The following GALNT17 variants were observed in gnomAD, a reference collection of about 807,000 sequenced individuals.
GALNT17 encodes UDP-GalNAc:polypeptide N-acetylgalactosaminyltransferase-like 3.
A neutral mutation model predicts 63.7 loss-of-function variants in GALNT17; 29 were observed. The ratio of observed to expected loss-of-function variants is 0.46; its 90% CI spans 0.34 to 0.62. The LOEUF (loss-of-function observed/expected upper bound fraction) is 0.62, where lower values mean the gene tolerates loss of function less well. Ranked by LOEUF, GALNT17 falls within the 20% of genes least tolerant of loss-of-function variation. GALNT17 has a pLI of 0.01. For missense variants in GALNT17, 603 were observed against 799.6 expected, an observed-to-expected ratio of 0.75 and a Z score of 2.97; for synonymous variants, 305 against 318.3, an observed-to-expected ratio of 0.96 and a Z score of 0.45.
At chr7:71,581,058 A>G (rs1341686724) in intron 6 of GALNT17, among the ~76,000 whole-genome samples, 1 of 152,184 alleles carries the variant, frequency 6.6e-6, no homozygotes, top group Non-Finnish European at 1.5e-5. Flanking sequence ...GGCCTCAGGA[A>G]ACGTACAATC....
intron 6 of GALNT17, among the ~76,000 whole-genome samples, chr7:71,631,888 G>A (rs923166387): frequency 6.6e-6 from 1 of 151,986 alleles, no homozygotes; most frequent in Admixed American, 6.6e-5. Flanking sequence ...GCATTTGAAT[G>A]GGTTAACTCG....
At chr7:71,682,905 G>A (rs753119476) in intron 9 of GALNT17, among the ~76,000 whole-genome samples, 1 of 151,998 alleles carries the variant, frequency 6.6e-6, no homozygotes, top group Non-Finnish European at 1.5e-5. Context: ...CACTCTGAAG[G>A]TGACCACCTT....
In GALNT17 at chr7:71,628,601, G is replaced by A. The variant is rs1316504634; in HGVS notation, c.1081-36810G>A. Among the ~76,000 whole-genome samples, 6 of 152,268 alleles carry A rather than the reference G, an allele frequency of 3.9e-5. No homozygotes were observed. The East Asian group carries it at 7.8e-4, about 20-fold the overall frequency. Reference sequence around the variant, plus strand: ...GCCTCCGAAAGTGCTGGGATTACAGGCCTGAGCCACCATGCCCAGCCAATG... The same window carrying A: ...GCCTCCGAAAGTGCTGGGATTACAGACCTGAGCCACCATGCCCAGCCAATG... On this transcript the variant is annotated intron_variant, in intron 6 of 10. Coordinates refer to ENST00000333538, the MANE Select transcript of GALNT17 (RefSeq NM_022479.3).
intron 5 of GALNT17, among the ~76,000 whole-genome samples, chr7:71,473,347 G>A (rs893713548): frequency 6.6e-6 from 1 of 152,088 alleles, no homozygotes; most frequent in East Asian, 1.9e-4. Context: ...CCTGGTAAAG[G>A]CCTGGTTGGT....
intron 5 of GALNT17, among the ~76,000 whole-genome samples, chr7:71,558,524 CCTTTCT>C (rs753356964): frequency 6.6e-6 from 1 of 152,052 alleles, no homozygotes; most frequent in Non-Finnish European, 1.5e-5. Context: ...CTGTTCTAGA[CCTTTCT>C]CTTTTTCTTT....
intron 1 of GALNT17, among the ~76,000 whole-genome samples, chr7:71,310,607 T>C (rs1168863264): frequency 1.3e-5 from 2 of 152,210 alleles, no homozygotes; most frequent in East Asian, 1.9e-4. Context: ...GTGCAACATA[T>C]ATGTTTCCCT....
At chr7:71,586,321 G>C (rs1789716297) in intron 6 of GALNT17, among the ~76,000 whole-genome samples, 1 of 152,210 alleles carries the variant, frequency 6.6e-6, no homozygotes, top group African/African-American at 2.4e-5. Context: ...ATGTTTGTGA[G>C]ATTCTCCATG....
intron 1 of GALNT17, among the ~76,000 whole-genome samples, chr7:71,230,684 C>T (rs1012817671): frequency 6.6e-6 from 1 of 152,142 alleles, no homozygotes; most frequent in Non-Finnish European, 1.5e-5. Context: ...AGAGAGCAGA[C>T]AACCATCTTC....
At chr7:71,642,168 A>G (rs1790613288) in intron 6 of GALNT17, among the ~76,000 whole-genome samples, 2 of 152,132 alleles carry the variant, frequency 1.3e-5, no homozygotes, top group Admixed American at 1.3e-4. Flanking sequence ...CTTGCATCTC[A>G]TGAACCAGGC....
Position 71,460,017 on chromosome 7 carries a change from G to A in GALNT17, c.962+38912G>A, listed in dbSNP as rs139609935. ...AGCTTCGAATTGTCCTGCCTTTATG[G>A]ACCAAACCAATGTAGTTCTCTAATG... is the stretch of plus-strand genomic sequence containing the variant. On this transcript the variant is annotated intron_variant, in intron 5 of 10. Transcript: ENST00000333538. Among the ~76,000 whole-genome samples the A allele has an allele frequency of 3.3e-4, 50 of 152,220 alleles. No individual in the cohort carries two copies. The South Asian group carries it at 8.1e-3, about 25-fold the overall frequency.
chr7:71,509,396 A>G (rs1332108917), intron 5 of GALNT17, among the ~76,000 whole-genome samples: 1 of 152,166 alleles, frequency 6.6e-6, no homozygotes, highest in Non-Finnish European at 1.5e-5. Flanking sequence ...CCCCAAGCAT[A>G]AGTGGAGGAG....
At chr7:71,248,296 A>C (rs934232516) in intron 1 of GALNT17, among the ~76,000 whole-genome samples, 4 of 152,202 alleles carry the variant, frequency 2.6e-5, no homozygotes, top group East Asian at 1.9e-4. Context: ...GTCGCTTTCC[A>C]CTAGGTCCCC....
At chr7:71,245,830 C>T (rs1790083099) in intron 1 of GALNT17, among the ~76,000 whole-genome samples, 1 of 136,122 alleles carries the variant, frequency 7.3e-6, no homozygotes, top group Non-Finnish European at 1.7e-5. Context: ...GAAAGGTCTG[C>T]AGAGAGCAAG....
chr7:71,454,542 C>T (rs1014225281), intron 5 of GALNT17, among the ~76,000 whole-genome samples: 2 of 152,172 alleles, frequency 1.3e-5, no homozygotes, highest in African/African-American at 4.8e-5. Flanking sequence ...GCCATTCTGA[C>T]AGCCTGGGAA....
At chr7:71,508,139 G>A (rs1788296653) in intron 5 of GALNT17, among the ~76,000 whole-genome samples, 1 of 152,136 alleles carries the variant, frequency 6.6e-6, no homozygotes, top group African/African-American at 2.4e-5. Flanking sequence ...CCAGTCATTG[G>A]AGTGAACCTC....
intron 1 of GALNT17, among the ~76,000 whole-genome samples, chr7:71,234,484 GAACTGCTGAGCTCAGGTGATCAGCC>G (rs1479754450): frequency 3.3e-5 from 5 of 152,030 alleles, no homozygotes; most frequent in African/African-American, 7.2e-5. Context: ...GGCTGGTCTT[GAACTGCTGAGCTCAGGTGATCAGCC>G]CACTTCGGCC....
intron 6 of GALNT17, among the ~76,000 whole-genome samples, chr7:71,658,433 CT>C (rs1379881794): frequency 6.6e-6 from 1 of 152,166 alleles, no homozygotes; most frequent in Non-Finnish European, 1.5e-5. Flanking sequence ...GTGATGGTTT[CT>C]TTTGCCTCAT....
At chr7:71,701,881 G>GTTTA (rs1554326593) in intron 9 of GALNT17, among the ~76,000 whole-genome samples, 1 of 90,056 alleles carries the variant, frequency 1.1e-5, no homozygotes, top group African/African-American at 4.4e-5. Context: ...ATATATATAT[G>GTTTA]TATATATATA....
At chr7:71,406,603 A>G (rs954424007) in intron 3 of GALNT17, among the ~76,000 whole-genome samples, 1 of 152,182 alleles carries the variant, frequency 6.6e-6, no homozygotes, top group East Asian at 1.9e-4. Context: ...TTTTAAAGAT[A>G]ATATTTTAAA....
Sources: gnomAD v4.1 joint callset for allele counts (sites outside exome capture counted in the v4.1 genomes callset) on GRCh38, gnomAD v4.1.1 for gene constraint, MANE v1.5 for transcripts, NCBI Gene and HGNC (gene_info 2026-07-23, HGNC 2026-07-21) for gene names.